TBC1D16: variants seen among roughly 807,000 people sequenced by gnomAD.
TBC1D16 encodes TBC1 domain family member 16.
TBC1D16 carries 58 observed loss-of-function variants against 74.7 expected under a neutral mutation model. The ratio of observed to expected loss-of-function variants is 0.78; its 90% confidence interval spans 0.63 to 0.97. TBC1D16 has a LOEUF of 0.97. Among genes scored for constraint, TBC1D16 ranks in the 50% least tolerant of loss-of-function variants. The pLI is 0.00. For synonymous variants in TBC1D16, 493 were observed against 474.7 expected, an observed-to-expected ratio of 1.04 and a Z score of -0.50; for missense variants, 1,014 against 1,079.5, an observed-to-expected ratio of 0.94 and a Z score of 0.85.
At chr17:80,005,829 C>T (rs1237828954) in intron 3 of TBC1D16, among the ~76,000 whole-genome samples, 1 of 152,124 alleles carries the variant, frequency 6.6e-6, no homozygotes, top group African/African-American at 2.4e-5. Context: ...GGGGATACTG[C>T]CATTTCTAAC....
chr17:79,943,126 C>T (rs1238737229), intron 10 of TBC1D16, among the ~76,000 whole-genome samples: 1 of 152,228 alleles, frequency 6.6e-6, no homozygotes, highest in Non-Finnish European at 1.5e-5. Flanking sequence ...CGGAGCACAC[C>T]ATGAGGGCAG....
chr17:79,961,849 G>A lies in TBC1D16; in HGVS notation c.780-9031C>T, dbSNP rs2033627999. Among the ~76,000 whole-genome samples the A allele has an allele frequency of 6.6e-6, 1 of 151,830 alleles. No individual in the cohort carries two copies. The highest frequency in any genetic ancestry group is 1.5e-5 in the Non-Finnish European group (1 of 67,992). ...CTGCGCTCCAGCCTAGGCAAGAAGA[G>A]CAAAACTCCATCTCAAAAAAATAAA... On this transcript the variant is annotated intron_variant, in intron 3 of 11. Transcript: ENST00000310924. The surrounding 1 kb of genome is among the most constrained non-coding windows in gnomAD (Gnocchi z 4.8).
chr17:79,963,747 T>C (rs1178991390), intron 3 of TBC1D16, among the ~76,000 whole-genome samples: 2 of 152,188 alleles, frequency 1.3e-5, no homozygotes, highest in Non-Finnish European at 2.9e-5. Context: ...CACTTGTTAG[T>C]TTTTATTTTT....
intron 1 of TBC1D16, among the ~76,000 whole-genome samples, chr17:80,023,478 C>CCA (rs1355350775): frequency 6.7e-6 from 1 of 150,050 alleles, no homozygotes; most frequent in African/African-American, 2.5e-5. Context: ...CTGCGGAGGC[C>CCA]CACAGCCCCT....
At chr17:79,964,826 C>T (rs1316772730) in intron 3 of TBC1D16, among the ~76,000 whole-genome samples, 1 of 152,126 alleles carries the variant, frequency 6.6e-6, no homozygotes, top group Non-Finnish European at 1.5e-5. Flanking sequence ...GAGAAATCCT[C>T]ACACTGTTAT....
Position 79,942,204 on chromosome 17 carries a change from C to A in TBC1D16, c.1911G>T (p.Thr637=), listed in dbSNP as rs200133337. 2 of 1,597,062 alleles carry A rather than the reference C, an allele frequency of 1.3e-6. No homozygotes were observed. The highest frequency in any genetic ancestry group is 2.3e-5 in the East Asian group (1 of 44,080). The part of the protein sequence containing the change: ...IWEACWAHYQ[T]DYFHLFICVA... ...CGCAGATGAAAAGGTGGAAGTAGTC[C>A]GTCTGTGGAGGCGGGTAGAGTTCAG... Residue 637 remains threonine (T), a splice_region_variant and synonymous_variant, in exon 11 of 12, where the codon ACG becomes ACT. Transcript: ENST00000310924.
In TBC1D16 at chr17:80,013,578, C is replaced by T. The variant is rs552283170; in HGVS notation, c.-31G>A. 21 of 1,463,192 alleles carry T rather than the reference C, an allele frequency of 1.4e-5. No homozygotes were observed. In the East Asian group the frequency reaches 4.6e-4, roughly 32 times the overall value. The allele number at this position is 1,463,192 out of a possible 1,614,324, so 90.6% of individuals were successfully genotyped here. ...GGCAAGTGTTTCCATCCTCCGCATGCGTCGGCCCGGGCAGGGCTCGTCAAG... is the reference window on the plus strand; with the variant it reads ...GGCAAGTGTTTCCATCCTCCGCATGTGTCGGCCCGGGCAGGGCTCGTCAAG... On this transcript the variant is annotated 5_prime_UTR_variant, in exon 2 of 12. Coordinates refer to ENST00000310924, the MANE Select transcript of TBC1D16 (RefSeq NM_019020.4).
chr17:79,944,757 CGTGGGACGGGAA>C lies in TBC1D16; in HGVS notation c.1908+139_1908+150del, dbSNP rs1463225476. On this transcript the variant is annotated intron_variant, in intron 10 of 11. Coordinates refer to ENST00000310924, the MANE Select transcript of TBC1D16 (RefSeq NM_019020.4). The surrounding 1 kb of genome is among the most constrained non-coding windows in gnomAD (Gnocchi z 7.7). ...GAGCTGTAAGGTCTGAAGCCAGCCA[CGTGGGACGGGAA>C]GGCAGTCGCCGTATGGGGGGCTAAT... 8.4e-6 allele frequency: 6 copies of C among 716,310 alleles called. No homozygotes were observed. Among genetic ancestry groups the C allele is most frequent in the Non-Finnish European group, 1.3e-5 (6 of 446,498 alleles). 44.4% of individuals were successfully genotyped at this position (716,310 alleles called of 1,614,324 possible).
In TBC1D16 at chr17:79,941,326, C is replaced by A. The variant is rs1038374020; in HGVS notation, c.2056-219G>T. ...CTGCAGTGATGGGACCCACAAGGCA[C>A]TCGGGCTGTGCTCACAGGTGGCTCG... On this transcript the variant is annotated intron_variant, in intron 11 of 11. Transcript: ENST00000310924. The surrounding 1 kb of genome is among the most constrained non-coding windows in gnomAD (Gnocchi z 4.3). Among the ~76,000 whole-genome samples the A allele has an allele frequency of 1.3e-5, 2 of 152,180 alleles. No individual in the cohort carries two copies. The highest frequency in any genetic ancestry group is 2.9e-5 in the Non-Finnish European group (2 of 68,016).
chr17:79,969,941 C>CAAAGAAAAGAAAAGA (rs552490205), intron 3 of TBC1D16, among the ~76,000 whole-genome samples: 65 of 152,022 alleles, frequency 4.3e-4, no homozygotes, highest in African/African-American at 1.5e-3. Flanking sequence ...GACTCCATCT[C>CAAAGAAAAGAAAAGA]AAAGAAAAGA....
In TBC1D16 at chr17:79,951,528, G is replaced by A; in HGVS notation, c.1011C>T (p.Phe337=). Residue 337 remains phenylalanine, a synonymous_variant, in exon 5 of 12, where the codon TTC becomes TTT. Coordinates refer to ENST00000310924, the MANE Select transcript of TBC1D16 (RefSeq NM_019020.4). ...SRESQYKVFH[F]HHGGLDKLSD... is the part of the protein sequence containing the mutation. ...ACAGCTTGTCCAGGCCGCCGTGGTG[G>A]AAGTGGAAAACCTTGTACTGGCTCT... 6.2e-7 allele frequency: 1 copy of A among 1,614,142 alleles called. No individual in the cohort carries two copies. The highest frequency in any genetic ancestry group is 8.5e-7 in the Non-Finnish European group (1 of 1,180,000).
chr17:79,947,928 C>T (rs1415061334), intron 8 of TBC1D16, 97 bp from the exon 9 acceptor site: 5 of 1,034,512 alleles, frequency 4.8e-6, no homozygotes, highest in African/African-American at 3.2e-5. Context: ...TGCCTTCCCT[C>T]GCTTGCCTTC....
intron 1 of TBC1D16, among the ~76,000 whole-genome samples, chr17:80,034,869 C>T (rs1369936345): frequency 6.6e-6 from 1 of 152,184 alleles, no homozygotes; most frequent in Non-Finnish European, 1.5e-5. Flanking sequence ...ATCTTTAAGA[C>T]GGAGTTCCCT....
chr17:79,957,563 AAGCACGG>A (rs1379960033), intron 3 of TBC1D16, among the ~76,000 whole-genome samples: 1 of 152,178 alleles, frequency 6.6e-6, no homozygotes, highest in Non-Finnish European at 1.5e-5. Flanking sequence ...TAGGAAGGTG[AAGCACGG>A]AGAACTTTTA....
chr17:79,956,061 A>G lies in TBC1D16; in HGVS notation c.780-3243T>C, dbSNP rs1268369445. On this transcript the variant is annotated intron_variant, in intron 3 of 11. Coordinates refer to ENST00000310924, the MANE Select transcript of TBC1D16 (RefSeq NM_019020.4). This position sits in a 1 kb window ranked among gnomAD's most constrained non-coding sequence, Gnocchi z 4.0. ...AGGCAAGACAGACAGACGAGAGCTCATGAGAGAGACACGCAACTGGCAGTC... is the reference window on the plus strand; with the variant it reads ...AGGCAAGACAGACAGACGAGAGCTCGTGAGAGAGACACGCAACTGGCAGTC... Among the ~76,000 whole-genome samples the G allele has an allele frequency of 2.0e-5, 3 of 152,172 alleles. No homozygotes were observed. The highest frequency in any genetic ancestry group is 2.0e-4 in the Admixed American group (3 of 15,282).
chr17:79,970,610 A>C (rs943239194), intron 3 of TBC1D16, among the ~76,000 whole-genome samples: 2 of 150,948 alleles, frequency 1.3e-5, no homozygotes, highest in Non-Finnish European at 3.0e-5. Flanking sequence ...GTAGAGCTTC[A>C]TTGTGGTGGG....
chr17:79,986,696 G>A lies in TBC1D16; in HGVS notation c.779+23464C>T, dbSNP rs1185540813. On this transcript the variant is annotated intron_variant, in intron 3 of 11. Transcript: ENST00000310924. The surrounding 1 kb of genome is among the most constrained non-coding windows in gnomAD (Gnocchi z 6.0). The stretch of plus-strand genomic sequence containing the variant: ...GCAGAGCCACCATGGTGGGTGAACG[G>A]GCTTCCTCTCGGAAACCAACATCCT... Among the ~76,000 whole-genome samples, 1 of 152,074 alleles carries A rather than the reference G, an allele frequency of 6.6e-6. No homozygotes were observed. Among genetic ancestry groups the A allele is most frequent in the African/African-American group, 2.4e-5 (1 of 41,438 alleles).
chr17:79,942,650 C>T (rs955717299), intron 10 of TBC1D16, among the ~76,000 whole-genome samples: 3 of 152,190 alleles, frequency 2.0e-5, no homozygotes, highest in African/African-American at 4.8e-5. Flanking sequence ...CTCACTCCAG[C>T]GGGTCATGGA....
In TBC1D16 at chr17:79,934,814, G is replaced by A. The variant is rs1215853125; in HGVS notation, c.*6045C>T. On this transcript the variant is annotated 3_prime_UTR_variant, in exon 12 of 12. Coordinates refer to ENST00000310924, the MANE Select transcript of TBC1D16 (RefSeq NM_019020.4). ...CATGAGACCCGAGTGATGTAGATAA[G>A]AGGTATGTTCCCCTCCAGCCCCCGC... is the stretch of plus-strand genomic sequence containing the variant. 2.0e-5 allele frequency: 3 copies of A among 152,448 alleles called. No homozygotes were observed. Among genetic ancestry groups the A allele is most frequent in the African/African-American group, 7.2e-5 (3 of 41,470 alleles). The allele number at this position is 152,448 out of a possible 1,614,324, so 9.4% of individuals were successfully genotyped here.
Sources: gnomAD v4.1 joint callset for allele counts (sites outside exome capture counted in the v4.1 genomes callset) on GRCh38, gnomAD v4.1.1 for gene constraint, Gnocchi (gnomAD v3.1) non-coding constraint, MANE v1.5 for transcripts, NCBI Gene and HGNC (gene_info 2026-07-23, HGNC 2026-07-21) for gene names.